Variants in COL23A1 observed in about 807,000 individuals in gnomAD.
COL23A1 encodes the protein collagen type XXIII alpha 1 chain.
Under a neutral mutation model 99.3 loss-of-function variants are expected in COL23A1, and 97 were observed. The ratio of observed to expected loss-of-function variants is 0.98; its 90% CI spans 0.83 to 1.16. The LOEUF is 1.16. Ranked by LOEUF, COL23A1 falls within the 50% of genes most tolerant of loss-of-function variation. The pLI is 0.00. For synonymous variants in COL23A1, 320 were observed against 308.2 expected (o/e 1.04, Z -0.40); for missense variants, 762 against 757.4 (o/e 1.01, Z -0.07).
chr5:178,378,494 G>C (rs1381423291), intron 2 of COL23A1, among the ~76,000 whole-genome samples: 1 of 152,206 alleles, frequency 6.6e-6, no homozygotes, highest in East Asian at 1.9e-4. Context: ...TGGGTTTTTG[G>C]TAAATCCAGT....
At chr5:178,548,467 C>G (rs1761830403) in intron 2 of COL23A1, among the ~76,000 whole-genome samples, 1 of 152,058 alleles carries the variant, frequency 6.6e-6, no homozygotes, top group Non-Finnish European at 1.5e-5. Flanking sequence ...ACCCGATCTT[C>G]CCTCTCCCTT....
intron 2 of COL23A1, among the ~76,000 whole-genome samples, chr5:178,549,154 C>A (rs1203505823): frequency 2.0e-5 from 3 of 152,036 alleles, no homozygotes; most frequent in Admixed American, 1.3e-4. Context: ...CCACCACACC[C>A]GGCTAATTTT....
intron 2 of COL23A1, among the ~76,000 whole-genome samples, chr5:178,385,562 G>C (rs564681943): frequency 6.6e-6 from 1 of 152,284 alleles, no homozygotes; most frequent in Admixed American, 6.5e-5. Context: ...GGGTGGCCCT[G>C]CTCTCCCTGT....
chr5:178,274,794 A>G (rs1276342638), intron 5 of COL23A1, among the ~76,000 whole-genome samples: 1 of 152,032 alleles, frequency 6.6e-6, no homozygotes, highest in African/African-American at 2.4e-5. Flanking sequence ...TTCCTCATCT[A>G]TGGATGCCAC....
chr5:178,240,642 C>A (rs1444785457), intron 27 of COL23A1, among the ~76,000 whole-genome samples: 1 of 152,244 alleles, frequency 6.6e-6, no homozygotes. Context: ...CCCGCCCTTT[C>A]TGTGCGCTGA....
chr5:178,366,732 C>G lies in COL23A1; in HGVS notation c.362-59813G>C, dbSNP rs73804471. ...AGCATCCCAAACCTCGCCGGAAGCA[C>G]GTTCCTCCTCCGTGCCTGTGCTTCT... On this transcript the variant is annotated intron_variant, in intron 2 of 28. Coordinates refer to ENST00000390654, the MANE Select transcript of COL23A1 (RefSeq NM_173465.4). This position sits in a 1 kb window ranked among gnomAD's most constrained non-coding sequence, Gnocchi z 4.4. Among the ~76,000 whole-genome samples the G allele has an allele frequency of 4.5e-3, 686 of 152,306 alleles. 3 individuals carry two copies. Among genetic ancestry groups the G allele is most frequent in the African/African-American group, 0.016 (660 of 41,546 alleles).
At chr5:178,523,197 T>TAGAGAGAGAGAGAG (rs1416631747) in intron 2 of COL23A1, among the ~76,000 whole-genome samples, 11 of 73,738 alleles carry the variant, frequency 1.5e-4, no homozygotes, top group Non-Finnish European at 3.2e-4. Flanking sequence ...TATATATATA[T>TAGAGAGAGAGAGAG]ATATAGAGAG....
chr5:178,557,090 G>T (rs1762317310), intron 2 of COL23A1, among the ~76,000 whole-genome samples: 1 of 152,226 alleles, frequency 6.6e-6, no homozygotes, highest in Admixed American at 6.5e-5. Flanking sequence ...GGGCTCCTCA[G>T]GGAGAGTCCC....
intron 2 of COL23A1, among the ~76,000 whole-genome samples, chr5:178,495,077 C>A (rs533601302): frequency 2.6e-5 from 4 of 152,338 alleles, no homozygotes; most frequent in African/African-American, 7.2e-5. Context: ...TCCTCCTGGG[C>A]CTGCAGGTTG....
intron 2 of COL23A1, among the ~76,000 whole-genome samples, chr5:178,422,093 T>C (rs1217027600): frequency 6.6e-6 from 1 of 152,150 alleles, no homozygotes; most frequent in Non-Finnish European, 1.5e-5. Flanking sequence ...CTTTCCCCAG[T>C]CCTGAGATTG....
At chr5:178,551,738 G>C (rs1210356415) in intron 2 of COL23A1, among the ~76,000 whole-genome samples, 1 of 152,170 alleles carries the variant, frequency 6.6e-6, no homozygotes, top group African/African-American at 2.4e-5. Flanking sequence ...AACCAGGCAA[G>C]CTGTCTCCTG....
intron 2 of COL23A1, among the ~76,000 whole-genome samples, chr5:178,417,322 C>T (rs1765364996): frequency 6.6e-6 from 1 of 152,208 alleles, no homozygotes; most frequent in Admixed American, 6.5e-5. Context: ...CCAATCTAAG[C>T]TCAGAGGCTT....
At chr5:178,573,773 C>T (rs542262513) in intron 1 of COL23A1, among the ~76,000 whole-genome samples, 10 of 152,168 alleles carry the variant, frequency 6.6e-5, no homozygotes, top group South Asian at 6.2e-4. Flanking sequence ...GTTATTGATA[C>T]GTGCAAATAC....
intron 26 of COL23A1, 40 bp downstream of exon 26, chr5:178,242,301 C>T (rs780341771): frequency 3.1e-6 from 5 of 1,603,546 alleles, no homozygotes; most frequent in Admixed American, 1.7e-5. Flanking sequence ...GCCTCCTTCC[C>T]CCTCTCCTCC....
intron 12 of COL23A1, 106 bp from the exon 13 acceptor site, chr5:178,257,673 C>T (rs1381678402): frequency 1.7e-6 from 2 of 1,183,558 alleles, no homozygotes; most frequent in Non-Finnish European, 2.5e-6. Flanking sequence ...GGCATCTGCA[C>T]TGGCACATGG....
chr5:178,418,627 C>T (rs769396190), intron 2 of COL23A1, among the ~76,000 whole-genome samples: 13 of 152,376 alleles, frequency 8.5e-5, no homozygotes, highest in African/African-American at 3.1e-4. Context: ...CTTTCACCAG[C>T]CTCCCAGCCC....
chr5:178,355,932 T>C (rs999036535), intron 2 of COL23A1, among the ~76,000 whole-genome samples: 2 of 152,182 alleles, frequency 1.3e-5, no homozygotes, highest in Non-Finnish European at 2.9e-5. Flanking sequence ...CACTTGAATG[T>C]TGAGTGAGCA....
intron 2 of COL23A1, among the ~76,000 whole-genome samples, chr5:178,429,693 C>T (rs1766150668): frequency 6.6e-6 from 1 of 151,564 alleles, no homozygotes; most frequent in African/African-American, 2.4e-5. Flanking sequence ...CTGCCTCCCC[C>T]AGCTCATTTT....
At chr5:178,570,766 G>A (rs150854941) in intron 1 of COL23A1, among the ~76,000 whole-genome samples, 134 of 152,230 alleles carry the variant, frequency 8.8e-4, no homozygotes, top group African/African-American at 3.0e-3. Context: ...GGGGGGACGC[G>A]GGTGGTGCCT....
Sources: allele counts gnomAD v4.1 joint callset (sites outside exome capture counted in the v4.1 genomes callset), GRCh38; gene constraint gnomAD v4.1.1; non-coding constraint Gnocchi (gnomAD v3.1); transcripts MANE v1.5; gene names NCBI Gene and HGNC (gene_info 2026-07-23, HGNC 2026-07-21).